The following GABRA3 variants were observed in gnomAD, a reference collection of about 807,000 sequenced individuals.
GABRA3 encodes the protein gamma-aminobutyric acid type A receptor subunit alpha3, also known as gamma-aminobutyric acid receptor subunit alpha-3.
GABRA3 carries 10 observed loss-of-function variants against 30.1 expected under a neutral mutation model. The observed-to-expected ratio is 0.33, with a 90% CI of 0.20 to 0.56. The LOEUF is 0.56. Ranked by LOEUF, GABRA3 falls within the 20% of genes least tolerant of loss-of-function variation. The probability of loss-of-function intolerance (pLI) is 0.89; values close to 1 mark genes in which losing one functional copy is unlikely to be tolerated. For missense variants in GABRA3, 233 were observed against 392.0 expected, an observed-to-expected ratio of 0.59 and a Z score of 3.42; for synonymous variants, 151 against 146.8, an observed-to-expected ratio of 1.03 and a Z score of -0.21.
intron 5 of GABRA3, chrX:152,251,135 T>C (rs1416910764): frequency 6.0e-6 from 2 of 332,813 alleles, no homozygotes; most frequent in Non-Finnish European, 6.0e-6. Context: ...AGGAAACCGA[T>C]GGCTTCATCA....
At chrX:152,322,684 C>T (rs1225326852) in intron 3 of GABRA3, among the ~76,000 whole-genome samples, 1 of 107,182 alleles carries the variant, frequency 9.3e-6, no homozygotes, top group African/African-American at 3.4e-5. Context: ...CAGGTGCACA[C>T]TACCACACCC....
chrX:152,310,717 T>A (rs1428570824), intron 3 of GABRA3, among the ~76,000 whole-genome samples: 1 of 110,478 alleles, frequency 9.1e-6, no homozygotes, highest in Non-Finnish European at 1.9e-5. Context: ...AAATCAGAGT[T>A]GAATTGAAGA....
chrX:152,429,848 C>A (rs760365741), intron 1 of GABRA3, among the ~76,000 whole-genome samples: 1 of 111,732 alleles, frequency 8.9e-6, no homozygotes, highest in South Asian at 3.8e-4. Context: ...GTTCCTGATC[C>A]CAGAGTCAAA....
intron 4 of GABRA3, among the ~76,000 whole-genome samples, chrX:152,271,154 G>A (rs1051699651): frequency 6.4e-5 from 7 of 110,029 alleles, no homozygotes; most frequent in Non-Finnish European, 1.3e-4. Flanking sequence ...GTAGAGACAG[G>A]TTTGCACCAT....
chrX:152,315,151 C>T (rs987783472), intron 3 of GABRA3, among the ~76,000 whole-genome samples: 28 of 110,930 alleles, frequency 2.5e-4, no homozygotes, highest in Admixed American at 1.6e-3. Flanking sequence ...TCCTGCAGGA[C>T]CCGGGAGACA....
chrX:152,218,485 T>C (rs1937769764), intron 6 of GABRA3, among the ~76,000 whole-genome samples: 1 of 111,318 alleles, frequency 9.0e-6, no homozygotes, highest in Non-Finnish European at 1.9e-5. Context: ...AATTGGTTTA[T>C]AGAATTGTTC....
chrX:152,237,124 T>C (rs1938236736), intron 5 of GABRA3, among the ~76,000 whole-genome samples: 1 of 111,508 alleles, frequency 9.0e-6, no homozygotes, highest in Non-Finnish European at 1.9e-5. Context: ...TTTTTATGGT[T>C]TTAGGTCTAA....
chrX:152,228,171 A>T (rs748633479), intron 5 of GABRA3, among the ~76,000 whole-genome samples: 3 of 111,363 alleles, frequency 2.7e-5, no homozygotes, highest in Admixed American at 9.6e-5. Context: ...TGCAGAAAAA[A>T]CTTGAAGGGA....
At chrX:152,365,985 G>A (rs1428430962) in intron 1 of GABRA3, among the ~76,000 whole-genome samples, 1 of 111,687 alleles carries the variant, frequency 9.0e-6, no homozygotes, top group Non-Finnish European at 1.9e-5. Flanking sequence ...ATTTCTTATG[G>A]TCAACCTAAT....
At chrX:152,351,457 C>T (rs1940477613) in intron 2 of GABRA3, among the ~76,000 whole-genome samples, 1 of 111,900 alleles carries the variant, frequency 8.9e-6, no homozygotes, top group Non-Finnish European at 1.9e-5. Flanking sequence ...CCTCCACTAG[C>T]TTCAAACTTT....
intron 9 of GABRA3, among the ~76,000 whole-genome samples, chrX:152,178,556 C>G (rs1242271549): frequency 4.5e-5 from 5 of 111,262 alleles, no homozygotes; most frequent in African/African-American, 1.6e-4. Context: ...TATTCTAGAG[C>G]ATTTGAAAAT....
intron 1 of GABRA3, among the ~76,000 whole-genome samples, chrX:152,432,336 T>C (rs1361322907): frequency 8.9e-6 from 1 of 111,826 alleles, no homozygotes; most frequent in African/African-American, 3.3e-5. Flanking sequence ...TGGGCAGGGA[T>C]CTGCTGTTGT....
chrX:152,405,914 G>C (rs1046208658), intron 1 of GABRA3, among the ~76,000 whole-genome samples: 2 of 111,654 alleles, frequency 1.8e-5, no homozygotes, highest in African/African-American at 6.5e-5. Context: ...GAGGCCATGA[G>C]AGTGTTCACA....
At chrX:152,301,100 T>C (rs918099094) in intron 3 of GABRA3, among the ~76,000 whole-genome samples, 2 of 111,559 alleles carry the variant, frequency 1.8e-5, no homozygotes, top group African/African-American at 6.5e-5. Flanking sequence ...AATACCAAAG[T>C]AAAGAAAGAT....
chrX:152,275,838 G>A (rs773106618), intron 4 of GABRA3, among the ~76,000 whole-genome samples: 3 of 109,043 alleles, frequency 2.8e-5, no homozygotes, highest in Non-Finnish European at 5.7e-5. Flanking sequence ...GATATAGATG[G>A]CTAGATATGA....
intron 2 of GABRA3, 54 bp from the exon 3 acceptor site, chrX:152,345,756 A>G (rs1439629906): frequency 2.9e-6 from 3 of 1,050,723 alleles, no homozygotes; most frequent in Admixed American, 6.0e-5. Context: ...AGGAAAAAAA[A>G]TACATGACTA....
intron 3 of GABRA3, among the ~76,000 whole-genome samples, chrX:152,321,099 T>C (rs1363754585): frequency 8.9e-6 from 1 of 111,889 alleles, no homozygotes; most frequent in African/African-American, 3.2e-5. Flanking sequence ...CATTAAGACA[T>C]GGTTGAATAA....
chrX:152,166,577 T>A lies in GABRA3; in HGVS notation c.*1651A>T, dbSNP rs1936939899. On this transcript the variant is annotated 3_prime_UTR_variant, in exon 10 of 10. Coordinates refer to ENST00000370314, the MANE Select transcript of GABRA3 (RefSeq NM_000808.4). The stretch of plus-strand genomic sequence containing the variant: ...TTGTTCAGCCGGTGGGCAGGGAGAA[T>A]CTGCTTGTGGTGCCCTCTGTGGCTT... The A allele has an allele frequency of 9.0e-6, 1 of 110,626 alleles. No homozygotes were observed. The highest frequency in any genetic ancestry group is 9.6e-5 in the Admixed American group (1 of 10,382). 9.1% of individuals were successfully genotyped at this position (110,626 alleles called of 1,213,427 possible).
At chrX:152,326,686 A>C (rs376630139) in intron 3 of GABRA3, among the ~76,000 whole-genome samples, 2 of 111,699 alleles carry the variant, frequency 1.8e-5, no homozygotes, top group African/African-American at 3.3e-5. Context: ...GCCTGCCCTA[A>C]AAGAGCTCCT....
Sources: gnomAD v4.1 joint callset for allele counts (sites outside exome capture counted in the v4.1 genomes callset) on GRCh38, gnomAD v4.1.1 for gene constraint, MANE v1.5 for transcripts, NCBI Gene and HGNC (gene_info 2026-07-23, HGNC 2026-07-21) for gene names.